The following OCA2 variants were observed in gnomAD, a reference collection of about 807,000 sequenced individuals.
The protein encoded by OCA2 is P protein.
OCA2 carries 77 observed loss-of-function variants against 100.2 expected under a neutral mutation model. That is an observed-to-expected ratio of 0.77 (90% CI 0.64 to 0.93). The LOEUF (loss-of-function observed/expected upper bound fraction) is 0.93, where lower values mean the gene tolerates loss of function less well. Among genes scored for constraint, OCA2 ranks in the 40% least tolerant of loss-of-function variants. The pLI, the probability that OCA2 is intolerant of heterozygous loss-of-function variation, is 0.00. For missense variants in OCA2, 1,062 were observed against 1,089.1 expected, an observed-to-expected ratio of 0.98 and a Z score of 0.35; for synonymous variants, 432 against 439.2, an observed-to-expected ratio of 0.98 and a Z score of 0.21.
chr15:27,772,379 C>T (rs1043801026), intron 23 of OCA2, among the ~76,000 whole-genome samples: 2 of 152,102 alleles, frequency 1.3e-5, no homozygotes, highest in African/African-American at 4.8e-5. Flanking sequence ...CTTTTTCCCT[C>T]TCATTTTTAT....
intron 2 of OCA2, among the ~76,000 whole-genome samples, chr15:28,079,636 CTGGGAGAAGCTCCGCA>C (rs1357837586): frequency 1.3e-5 from 2 of 152,208 alleles, no homozygotes; most frequent in African/African-American, 4.8e-5. Context: ...GCTCCTCCTC[CTGGGAGAAGCTCCGCA>C]TGGGAGGTGT....
At chr15:27,908,859 T>C (rs1442054453) in intron 19 of OCA2, among the ~76,000 whole-genome samples, 1 of 152,160 alleles carries the variant, frequency 6.6e-6, no homozygotes, top group Non-Finnish European at 1.5e-5. Context: ...TTAGCATAAA[T>C]CAAATTGTTT....
chr15:27,810,382 A>G (rs2034027179), intron 23 of OCA2, among the ~76,000 whole-genome samples: 1 of 152,236 alleles, frequency 6.6e-6, no homozygotes, highest in African/African-American at 2.4e-5. Context: ...ACTTAAATCT[A>G]AGATGTGAAA....
At position 27,819,652 on chromosome 15, in the gene OCA2, T is replaced by C. The variant is rs34607819; in HGVS notation, c.2432+25307A>G. ...TAGAATTATCCATGTGGTAATGATATGGACTTGGCTTAACCTAGAAATAGA... is the reference window on the plus strand; with the variant it reads ...TAGAATTATCCATGTGGTAATGATACGGACTTGGCTTAACCTAGAAATAGA... On this transcript the variant is annotated intron_variant, in intron 23 of 23. Coordinates refer to ENST00000354638, the MANE Select transcript of OCA2 (RefSeq NM_000275.3). 6.8e-3 allele frequency among the ~76,000 whole-genome samples: 1,043 copies of C among 152,352 alleles called. 2 individuals carry two copies. The highest frequency in any genetic ancestry group is 0.011 in the Non-Finnish European group (768 of 68,040).
At chr15:27,838,776 G>A (rs1404913485) in intron 23 of OCA2, among the ~76,000 whole-genome samples, 2 of 152,192 alleles carry the variant, frequency 1.3e-5, no homozygotes. Flanking sequence ...TGAACCAAGG[G>A]TGTATTAGGA....
At chr15:27,999,264 C>A (rs773830519) in intron 9 of OCA2, among the ~76,000 whole-genome samples, 1 of 152,048 alleles carries the variant, frequency 6.6e-6, no homozygotes, top group Non-Finnish European at 1.5e-5. Flanking sequence ...GGATCATATA[C>A]CATGATTAAG....
At chr15:27,928,388 A>T (rs927140599) in intron 18 of OCA2, among the ~76,000 whole-genome samples, 29 of 152,254 alleles carry the variant, frequency 1.9e-4, no homozygotes, top group African/African-American at 7.0e-4. Flanking sequence ...ATCAAGAAGA[A>T]GATCAGTGGC....
intron 23 of OCA2, 35 bp downstream of exon 23, chr15:27,844,924 G>T (rs2035475377): frequency 1.4e-6 from 2 of 1,442,600 alleles, no homozygotes; most frequent in East Asian, 2.3e-5. Context: ...GAACTAGACA[G>T]TTTAACAGAA....
intron 23 of OCA2, among the ~76,000 whole-genome samples, chr15:27,770,772 CCCTTCCAT>C (rs1260031222): frequency 1.5e-5 from 1 of 67,086 alleles, no homozygotes; most frequent in East Asian, 2.8e-4. Flanking sequence ...CTCCCTCCCT[CCCTTCCAT>C]CCTTCCTTCC....
rs1433951247 is a variant in OCA2 at position 28,001,341 on chromosome 15, C to T, written c.1045-10694G>A. Among the ~76,000 whole-genome samples the T allele has an allele frequency of 2.6e-5, 4 of 152,152 alleles. 1 individual carries two copies. Among genetic ancestry groups the T allele is most frequent in the African/African-American group, 9.6e-5 (4 of 41,474 alleles). ...GGAAGGAAATCCTGCCAATTTGGGA[C>T]AACATGGACGAACCTGAATGCTAAG... On this transcript the variant is annotated intron_variant, in intron 9 of 23. Coordinates refer to ENST00000354638, the MANE Select transcript of OCA2 (RefSeq NM_000275.3).
At chr15:27,886,936 G>A (rs748725004) in intron 19 of OCA2, among the ~76,000 whole-genome samples, 2 of 152,182 alleles carry the variant, frequency 1.3e-5, no homozygotes, top group African/African-American at 2.4e-5. Flanking sequence ...TCATCTGGTA[G>A]CTCCCATAAT....
chr15:27,915,225 A>G (rs1017997961), intron 19 of OCA2, among the ~76,000 whole-genome samples: 1 of 152,190 alleles, frequency 6.6e-6, no homozygotes, highest in Non-Finnish European at 1.5e-5. Flanking sequence ...TGGATCAAAG[A>G]TTTTAATTTA....
intron 23 of OCA2, among the ~76,000 whole-genome samples, chr15:27,834,143 G>A (rs910549857): frequency 1.3e-5 from 2 of 152,146 alleles, no homozygotes; most frequent in African/African-American, 2.4e-5. Context: ...TCCACCATCC[G>A]TCCCCACACC....
At chr15:28,085,972 CA>C in intron 1 of OCA2, among the ~76,000 whole-genome samples, 2 of 152,312 alleles carry the variant, frequency 1.3e-5, no homozygotes, top group Admixed American at 1.3e-4. Flanking sequence ...CTCAGGAGAG[CA>C]AAGGCTGAGT....
chr15:28,046,211 A>T (rs2043342989), intron 2 of OCA2, among the ~76,000 whole-genome samples: 2 of 152,208 alleles, frequency 1.3e-5, no homozygotes, highest in South Asian at 4.1e-4. Flanking sequence ...ACCAGTCAGG[A>T]TACCAGAAGG....
At chr15:27,816,986 C>A (rs572619666) in intron 23 of OCA2, among the ~76,000 whole-genome samples, 4 of 152,056 alleles carry the variant, frequency 2.6e-5, no homozygotes, top group African/African-American at 4.8e-5. Context: ...TCAGGTCAGG[C>A]GCTTCCTAGG....
chr15:27,810,024 T>C (rs908078890), intron 23 of OCA2, among the ~76,000 whole-genome samples: 14 of 152,126 alleles, frequency 9.2e-5, no homozygotes, highest in Admixed American at 1.3e-4. Context: ...AATCCTAAAC[T>C]TCATGTGCTA....
intron 15 of OCA2, among the ~76,000 whole-genome samples, chr15:27,962,147 T>C (rs1268294240): frequency 6.6e-6 from 1 of 152,150 alleles, no homozygotes; most frequent in East Asian, 1.9e-4. Context: ...GATAGACAGA[T>C]AAATTCCTTC....
At chr15:27,827,049 G>A (rs1474437124) in intron 23 of OCA2, among the ~76,000 whole-genome samples, 3 of 152,194 alleles carry the variant, frequency 2.0e-5, no homozygotes, top group Non-Finnish European at 4.4e-5. Flanking sequence ...AATCCATACA[G>A]AGCCACCAGC....
Sources: gnomAD v4.1 joint callset for allele counts (sites outside exome capture counted in the v4.1 genomes callset) on GRCh38, gnomAD v4.1.1 for gene constraint, MANE v1.5 for transcripts, NCBI Gene and HGNC (gene_info 2026-07-23, HGNC 2026-07-21) for gene names.